The following FNDC3A variants were observed in gnomAD, a reference collection of about 807,000 sequenced individuals.
The protein encoded by FNDC3A is fibronectin type-III domain-containing protein 3A.
FNDC3A carries 32 observed loss-of-function variants against 148.9 expected under a neutral mutation model. That is an observed-to-expected ratio of 0.21 (90% CI 0.16 to 0.29). FNDC3A has a LOEUF of 0.29. Ranked by LOEUF, FNDC3A falls within the 10% of genes least tolerant of loss-of-function variation. The probability of loss-of-function intolerance (pLI) is 1.00; values close to 1 mark genes in which losing one functional copy is unlikely to be tolerated. For missense variants in FNDC3A, 1,191 were observed against 1,452.8 expected (o/e 0.82, Z 2.93); for synonymous variants, 472 against 473.6 (o/e 1.00, Z 0.04).
chr13:49,125,625 G>C (rs1881646586), intron 4 of FNDC3A, among the ~76,000 whole-genome samples: 1 of 152,124 alleles, frequency 6.6e-6, no homozygotes, highest in African/African-American at 2.4e-5. Flanking sequence ...GTAGCATTCT[G>C]TTAGTGCTAA....
chr13:49,001,993 G>A (rs1025574804), intron 1 of FNDC3A, among the ~76,000 whole-genome samples: 3 of 152,104 alleles, frequency 2.0e-5, no homozygotes, highest in African/African-American at 7.2e-5. Context: ...CGGCTTGGGG[G>A]CATCACAGAA....
intron 3 of FNDC3A, among the ~76,000 whole-genome samples, chr13:49,090,265 T>C (rs1264268085): frequency 6.6e-6 from 1 of 152,048 alleles, no homozygotes; most frequent in Non-Finnish European, 1.5e-5. Context: ...TACTAAAATA[T>C]ACAAAAATTA....
intron 1 of FNDC3A, among the ~76,000 whole-genome samples, chr13:48,993,386 A>G (rs1211147361): frequency 6.6e-6 from 1 of 152,212 alleles, no homozygotes. Flanking sequence ...CTGTTTTAAT[A>G]ATCCCTGCAG....
chr13:49,002,010 G>T (rs1471628378), intron 1 of FNDC3A, among the ~76,000 whole-genome samples: 1 of 152,132 alleles, frequency 6.6e-6, no homozygotes, highest in Non-Finnish European at 1.5e-5. Flanking sequence ...AGAACCTGCG[G>T]ACATGTCTCC....
intron 3 of FNDC3A, among the ~76,000 whole-genome samples, chr13:49,096,203 AATAAC>A (rs1172311701): frequency 1.3e-5 from 2 of 152,118 alleles, no homozygotes; most frequent in Non-Finnish European, 1.5e-5. Context: ...AGAATCACAA[AATAAC>A]ATAATGGTTG....
chr13:49,156,126 A>C (rs1221844947), intron 8 of FNDC3A, among the ~76,000 whole-genome samples: 1 of 146,640 alleles, frequency 6.8e-6, no homozygotes, highest in Non-Finnish European at 1.5e-5. Context: ...GGGGTGTTAA[A>C]GTCTCCCATT....
At chr13:49,049,903 A>G (rs969865353) in intron 2 of FNDC3A, among the ~76,000 whole-genome samples, 3 of 152,016 alleles carry the variant, frequency 2.0e-5, no homozygotes, top group Non-Finnish European at 2.9e-5. Flanking sequence ...TTTTTTTAGT[A>G]GAGACAGGGT....
chr13:48,994,134 G>T (rs1468288522), intron 1 of FNDC3A, among the ~76,000 whole-genome samples: 2 of 151,962 alleles, frequency 1.3e-5, no homozygotes, highest in South Asian at 2.1e-4. Context: ...TCTAGTTAAA[G>T]TCACTTTTAA....
intron 4 of FNDC3A, among the ~76,000 whole-genome samples, chr13:49,115,579 A>C (rs1198319729): frequency 3.9e-5 from 6 of 152,290 alleles, no homozygotes; most frequent in African/African-American, 1.2e-4. Context: ...GAGAGAATGG[A>C]ATGAGATTTA....
chr13:49,198,851 A>G (rs1265121422), intron 23 of FNDC3A, among the ~76,000 whole-genome samples: 1 of 152,234 alleles, frequency 6.6e-6, no homozygotes, highest in Non-Finnish European at 1.5e-5. Context: ...AAAACGTTAG[A>G]AAACACAATG....
At chr13:49,002,422 TGTG>T (rs2137590394) in intron 1 of FNDC3A, among the ~76,000 whole-genome samples, 1 of 152,350 alleles carries the variant, frequency 6.6e-6, no homozygotes, top group African/African-American at 2.4e-5. Flanking sequence ...AGAATGATCA[TGTG>T]GTACCTTTAA....
chr13:49,106,773 C>CAAAAAAAAAAAAAAAAAAAAAAAACAA (rs543962565), intron 3 of FNDC3A, among the ~76,000 whole-genome samples: 1 of 79,890 alleles, frequency 1.3e-5, no homozygotes, highest in African/African-American at 5.2e-5. Context: ...TGAATGAAAG[C>CAAAAAAAAAAAAAAAAAAAAAAAACAA]AAAAAAAAAA....
intron 2 of FNDC3A, among the ~76,000 whole-genome samples, chr13:49,006,572 G>A (rs1952224333): frequency 6.6e-6 from 1 of 151,802 alleles, no homozygotes; most frequent in African/African-American, 2.4e-5. Flanking sequence ...CCTGAGTTTA[G>A]CCTTGTACCT....
At chr13:49,019,929 G>A (rs570907835) in intron 2 of FNDC3A, among the ~76,000 whole-genome samples, 1 of 152,264 alleles carries the variant, frequency 6.6e-6, no homozygotes, top group East Asian at 1.9e-4. Flanking sequence ...AACTTGTTCA[G>A]TGAAATCTTC....
intron 8 of FNDC3A, among the ~76,000 whole-genome samples, chr13:49,161,595 G>C (rs1196628884): frequency 2.0e-5 from 3 of 152,114 alleles, no homozygotes; most frequent in Non-Finnish European, 4.4e-5. Flanking sequence ...GGGGCATTTA[G>C]TCCATTTACA....
At chr13:49,054,380 T>C (rs1446339474) in intron 2 of FNDC3A, among the ~76,000 whole-genome samples, 1 of 152,178 alleles carries the variant, frequency 6.6e-6, no homozygotes, top group South Asian at 2.1e-4. Context: ...ACATCAGAGA[T>C]AGAAGATACA....
rs1387533737 is a variant in FNDC3A at position 49,138,776 on chromosome 13, G to A, written c.790G>A (p.Ala264Thr). ...AGATGAAGAAACTAAAGCATTTGAA[G>A]CACTTCTTTCCAACATTGTCAAACC... The part of the protein sequence containing the change: ...EKDEETKAFE[A>T]LLSNIVKPVA... Residue 264 changes from alanine to threonine, a missense_variant, in exon 7 of 26, where the codon GCA (alanine) becomes ACA (threonine). Physicochemically the swap from Ala to Thr is moderately conservative, Grantham distance 58. This residue lies in a region of FNDC3A where 426 missense variants were observed against 473.2 expected (regional missense o/e 0.90). Coordinates refer to ENST00000492622, the MANE Select transcript of FNDC3A (RefSeq NM_001079673.2). 1 of 1,508,824 alleles carries A rather than the reference G, an allele frequency of 6.6e-7. No homozygotes were observed. Among genetic ancestry groups the A allele is most frequent in the Non-Finnish European group, 9.1e-7 (1 of 1,101,940 alleles). The allele number at this position is 1,508,824 out of a possible 1,614,324, so 93.5% of individuals were successfully genotyped here.
At chr13:49,077,735 T>C (rs1316044629) in intron 3 of FNDC3A, among the ~76,000 whole-genome samples, 1 of 152,192 alleles carries the variant, frequency 6.6e-6, no homozygotes, top group Non-Finnish European at 1.5e-5. Flanking sequence ...CCATGGCACA[T>C]GTATACCGAT....
chr13:49,116,443 C>T (rs1418058116), intron 4 of FNDC3A, among the ~76,000 whole-genome samples: 2 of 152,174 alleles, frequency 1.3e-5, no homozygotes, highest in East Asian at 3.8e-4. Context: ...GAGGCAAAGA[C>T]TCATGCCGCT....
Sources: allele counts gnomAD v4.1 joint callset (sites outside exome capture counted in the v4.1 genomes callset), GRCh38; gene constraint gnomAD v4.1.1; regional missense constraint gnomAD v4.1.1; transcripts MANE v1.5; gene names NCBI Gene and HGNC (gene_info 2026-07-23, HGNC 2026-07-21).